Variants in ST6GALNAC3 observed in about 807,000 individuals in gnomAD.
ST6GALNAC3 encodes ST6 N-acetylgalactosaminide alpha-2,6-sialyltransferase 3, also known as alpha-N-acetylgalactosaminide alpha-2,6-sialyltransferase 3.
In ST6GALNAC3, 25 loss-of-function variants were observed where a neutral mutation model predicts 32.7. The ratio of observed to expected loss-of-function variants is 0.76; its 90% CI spans 0.56 to 1.07. The LOEUF (loss-of-function observed/expected upper bound fraction) is 1.07. ST6GALNAC3 is among the 50% of genes least tolerant of loss of function. The pLI is 0.00. For synonymous variants in ST6GALNAC3, 129 were observed against 133.1 expected, an observed-to-expected ratio of 0.97 and a Z score of 0.21; for missense variants, 355 against 382.4, an observed-to-expected ratio of 0.93 and a Z score of 0.60.
At chr1:76,493,178 A>G (rs2101698583) in intron 3 of ST6GALNAC3, among the ~76,000 whole-genome samples, 1 of 152,312 alleles carries the variant, frequency 6.6e-6, no homozygotes, top group East Asian at 1.9e-4. Context: ...TTGGAAATAA[A>G]GAACATCTGC....
intron 3 of ST6GALNAC3, among the ~76,000 whole-genome samples, chr1:76,466,576 A>C (rs895613707): frequency 5.3e-5 from 8 of 152,130 alleles, no homozygotes; most frequent in Non-Finnish European, 8.8e-5. Flanking sequence ...GTATTTTGGC[A>C]ATACATCAAG....
At chr1:76,628,469 C>T (rs1453674663) in intron 4 of ST6GALNAC3, 151 bp from the exon 5 acceptor site, 3 of 707,890 alleles carry the variant, frequency 4.2e-6, no homozygotes, top group African/African-American at 1.8e-5. Context: ...AGCTTTCATA[C>T]ATATAATAGC....
chr1:76,176,237 C>T (rs1652842916), intron 1 of ST6GALNAC3, among the ~76,000 whole-genome samples: 1 of 152,194 alleles, frequency 6.6e-6, no homozygotes, highest in Non-Finnish European at 1.5e-5. Flanking sequence ...TGCCCACGCC[C>T]TCTTGCAGCC....
chr1:76,259,693 C>T (rs1658115235), intron 1 of ST6GALNAC3, among the ~76,000 whole-genome samples: 1 of 152,090 alleles, frequency 6.6e-6, no homozygotes, highest in African/African-American at 2.4e-5. Flanking sequence ...GAAAATAACC[C>T]TTCTCTCTAT....
Position 76,631,111 on chromosome 1 carries a change from CCTCA to C in ST6GALNAC3, c.*2309_*2312del, listed in dbSNP as rs1649277460. 1.2e-6 allele frequency: 1 copy of C among 814,390 alleles called. No individual in the cohort carries two copies. The highest frequency in any genetic ancestry group is 5.6e-5 in the South Asian group (1 of 17,792). 50.4% of individuals were successfully genotyped at this position (814,390 alleles called of 1,614,324 possible). ...GAAGACTTCTGCAGTATATTGTATC[CCTCA>C]CTCTATAGCAGAAGGTGTGTGTGGA... On this transcript the variant is annotated 3_prime_UTR_variant, in exon 5 of 5. Transcript: ENST00000328299.
intron 1 of ST6GALNAC3, among the ~76,000 whole-genome samples, chr1:76,267,051 C>T (rs1011349964): frequency 5.9e-5 from 9 of 152,236 alleles, no homozygotes. Flanking sequence ...GCTTCCCAAC[C>T]TTGGCCAAGT....
chr1:76,490,920 G>A (rs906919484), intron 3 of ST6GALNAC3, among the ~76,000 whole-genome samples: 4 of 150,852 alleles, frequency 2.7e-5, no homozygotes, highest in East Asian at 3.9e-4. Flanking sequence ...GTGCAATGGC[G>A]TGATCTCAGC....
intron 1 of ST6GALNAC3, among the ~76,000 whole-genome samples, chr1:76,248,987 G>C (rs2100691326): frequency 6.6e-6 from 1 of 152,288 alleles, no homozygotes; most frequent in East Asian, 1.9e-4. Context: ...CTTTAGACTA[G>C]TGTTCCCCTC....
intron 3 of ST6GALNAC3, among the ~76,000 whole-genome samples, chr1:76,468,909 A>G (rs1658835790): frequency 6.6e-6 from 1 of 151,956 alleles, no homozygotes; most frequent in South Asian, 2.1e-4. Flanking sequence ...AAAGAGAAAA[A>G]TACTCTGAAG....
At chr1:76,375,109 T>C (rs1396482657) in intron 2 of ST6GALNAC3, among the ~76,000 whole-genome samples, 2 of 152,144 alleles carry the variant, frequency 1.3e-5, no homozygotes, top group Non-Finnish European at 2.9e-5. Context: ...GGGACAGAGA[T>C]CATATAATGT....
At chr1:76,138,368 T>TA (rs915997004) in intron 1 of ST6GALNAC3, among the ~76,000 whole-genome samples, 39 of 152,024 alleles carry the variant, frequency 2.6e-4, no homozygotes, top group African/African-American at 8.7e-4. Context: ...TTTGAGAACA[T>TA]AGGGTGGGGT....
chr1:76,570,177 C>T (rs2100486009), intron 3 of ST6GALNAC3, among the ~76,000 whole-genome samples: 1 of 152,180 alleles, frequency 6.6e-6, no homozygotes, highest in African/African-American at 2.4e-5. Context: ...TAATAATGTC[C>T]ATCTTAAATC....
At chr1:76,404,819 A>G (rs1208798469) in intron 2 of ST6GALNAC3, among the ~76,000 whole-genome samples, 3 of 152,120 alleles carry the variant, frequency 2.0e-5, no homozygotes. Context: ...TTAAGGTGCC[A>G]GGAGTGTCCC....
intron 1 of ST6GALNAC3, among the ~76,000 whole-genome samples, chr1:76,132,989 A>G (rs559646183): frequency 3.2e-4 from 48 of 152,164 alleles, no homozygotes; most frequent in Middle Eastern, 3.4e-3. Flanking sequence ...TTATGCTTCC[A>G]GTCACCCAAA....
intron 2 of ST6GALNAC3, among the ~76,000 whole-genome samples, chr1:76,351,316 T>C (rs1455545687): frequency 6.6e-6 from 1 of 152,184 alleles, no homozygotes; most frequent in Non-Finnish European, 1.5e-5. Flanking sequence ...AATATCCTTT[T>C]GGAAATATTT....
chr1:76,462,203 A>G (rs1658324157), intron 3 of ST6GALNAC3, among the ~76,000 whole-genome samples: 1 of 151,676 alleles, frequency 6.6e-6, no homozygotes, highest in African/African-American at 2.4e-5. Flanking sequence ...ACAGGAGTTC[A>G]AAGTTTGTGG....
At chr1:76,541,848 T>C (rs72678095) in intron 3 of ST6GALNAC3, among the ~76,000 whole-genome samples, 3,795 of 152,308 alleles carry the variant, frequency 0.025, 79 homozygotes, top group South Asian at 0.051. Flanking sequence ...GTGAGGCACG[T>C]GCTGCTGCTT....
intron 1 of ST6GALNAC3, among the ~76,000 whole-genome samples, chr1:76,260,299 C>T (rs1421423202): frequency 6.6e-6 from 1 of 152,230 alleles, no homozygotes; most frequent in Non-Finnish European, 1.5e-5. Flanking sequence ...TTCACTAGTA[C>T]CTTCCTGGCA....
intron 1 of ST6GALNAC3, among the ~76,000 whole-genome samples, chr1:76,090,321 G>A (rs965335397): frequency 6.6e-6 from 1 of 152,190 alleles, no homozygotes; most frequent in African/African-American, 2.4e-5. Context: ...CACTTGCTTA[G>A]TTCAGGTCAG....
Sources: gnomAD v4.1 joint callset for allele counts (sites outside exome capture counted in the v4.1 genomes callset) on GRCh38, gnomAD v4.1.1 for gene constraint, MANE v1.5 for transcripts, NCBI Gene and HGNC (gene_info 2026-07-23, HGNC 2026-07-21) for gene names.